NAV3: variants seen among roughly 807,000 people sequenced by gnomAD.
NAV3 encodes the protein pore membrane and/or filament interacting like protein 1.
NAV3 carries 87 observed loss-of-function variants against 244.7 expected under a neutral mutation model. The observed-to-expected ratio is 0.36, with a 90% CI of 0.30 to 0.42. NAV3 has a LOEUF of 0.42. Ranked by LOEUF, NAV3 falls within the 20% of genes least tolerant of loss-of-function variation. The probability of loss-of-function intolerance (pLI) is 1.00; values close to 1 mark genes in which losing one functional copy is unlikely to be tolerated. For synonymous variants in NAV3, 1,126 were observed against 1,042.2 expected, an observed-to-expected ratio of 1.08 and a Z score of -1.55; for missense variants, 2,663 against 2,893.3, an observed-to-expected ratio of 0.92 and a Z score of 1.83.
Position 78,129,147 on chromosome 12 carries a change from T to C in NAV3, c.4441+281T>C, listed in dbSNP as rs1373031643. Among the ~76,000 whole-genome samples the C allele has an allele frequency of 2.0e-5, 3 of 152,198 alleles. No individual in the cohort carries two copies. The East Asian group carries it at 5.8e-4, about 29-fold the overall frequency. On this transcript the variant is annotated intron_variant, in intron 18 of 39. Coordinates refer to ENST00000397909, the MANE Select transcript of NAV3 (RefSeq NM_001024383.2). ...AGAAAGTTCACTTGACTTGAAAAAG[T>C]CTTACCATTACTAAGGGTTCAAGGC...
intron 2 of NAV3, among the ~76,000 whole-genome samples, chr12:77,738,998 C>T (rs967083687): frequency 1.8e-5 from 2 of 108,264 alleles, no homozygotes; most frequent in African/African-American, 7.3e-5. Context: ...GGCGACAGAG[C>T]GAGACTCCGT....
In NAV3 at chr12:77,930,518, T is replaced by G. The variant is rs184023699; in HGVS notation, c.244-9801T>G. Among the ~76,000 whole-genome samples the G allele has an allele frequency of 5.9e-5, 9 of 152,230 alleles. No individual in the cohort carries two copies. In the East Asian group the frequency reaches 1.7e-3, roughly 29 times the overall value. ...TCCTTATAATCCAATTCTCACACAG[T>G]GCATCAGATTTATTATTTCCCTAGT... is the stretch of plus-strand genomic sequence containing the variant. On this transcript the variant is annotated intron_variant, in intron 1 of 39. Coordinates refer to ENST00000397909, the MANE Select transcript of NAV3 (RefSeq NM_001024383.2).
intron 9 of NAV3, among the ~76,000 whole-genome samples, chr12:78,035,066 A>G (rs1879617860): frequency 6.6e-6 from 1 of 152,188 alleles, no homozygotes; most frequent in Non-Finnish European, 1.5e-5. Flanking sequence ...AGTCTGATCT[A>G]CCTTGAAAGG....
intron 20 of NAV3, among the ~76,000 whole-genome samples, chr12:78,142,658 T>C (rs544378158): frequency 1.0e-3 from 126 of 126,424 alleles, no homozygotes; most frequent in Non-Finnish European, 1.8e-3. Flanking sequence ...TAAAATAGAG[T>C]ATGTATATAT....
chr12:77,859,205 A>C (rs756359531), intron 1 of NAV3, among the ~76,000 whole-genome samples: 5 of 152,016 alleles, frequency 3.3e-5, no homozygotes, highest in Non-Finnish European at 5.9e-5. Context: ...GTGCAATTGT[A>C]ATTTCCTTTA....
At chr12:77,949,657 G>A (rs1485379201) in intron 3 of NAV3, among the ~76,000 whole-genome samples, 1 of 151,820 alleles carries the variant, frequency 6.6e-6, no homozygotes, top group Non-Finnish European at 1.5e-5. Flanking sequence ...TCACCCAACA[G>A]AGTAGTATAT....
intron 2 of NAV3, among the ~76,000 whole-genome samples, chr12:77,779,424 G>A (rs1399484525): frequency 6.6e-6 from 1 of 152,114 alleles, no homozygotes; most frequent in East Asian, 1.9e-4. Context: ...CCTTTAAACT[G>A]TTAGTAAGAA....
At chr12:77,584,617 T>G (rs1462942799) in intron 2 of NAV3, among the ~76,000 whole-genome samples, 1 of 152,178 alleles carries the variant, frequency 6.6e-6, no homozygotes, top group African/African-American at 2.4e-5. Flanking sequence ...TCCTTCTGAC[T>G]CTTACAAGTG....
At chr12:77,898,540 G>T (rs1884896604) in intron 1 of NAV3, among the ~76,000 whole-genome samples, 1 of 152,138 alleles carries the variant, frequency 6.6e-6, no homozygotes, top group Admixed American at 6.5e-5. Context: ...TATTGATTGT[G>T]TCCCTTCAGT....
At chr12:77,720,713 A>G (rs574468132) in intron 2 of NAV3, among the ~76,000 whole-genome samples, 2 of 152,264 alleles carry the variant, frequency 1.3e-5, no homozygotes, top group South Asian at 4.1e-4. Context: ...GTAAGCAACT[A>G]TGGCCAGGGA....
intron 2 of NAV3, among the ~76,000 whole-genome samples, chr12:77,666,622 A>C (rs1457287159): frequency 6.6e-6 from 1 of 152,206 alleles, no homozygotes; most frequent in African/African-American, 2.4e-5. Context: ...CAAGGTATTA[A>C]ATTGAATTAG....
chr12:78,061,028 G>A (rs1884252724), intron 12 of NAV3, among the ~76,000 whole-genome samples: 1 of 152,078 alleles, frequency 6.6e-6, no homozygotes, highest in Non-Finnish European at 1.5e-5. Context: ...CTAATAAATT[G>A]GGACCTGTGA....
intron 2 of NAV3, among the ~76,000 whole-genome samples, chr12:77,628,643 G>A (rs1198990100): frequency 4.6e-5 from 7 of 152,018 alleles, no homozygotes; most frequent in Non-Finnish European, 1.0e-4. Flanking sequence ...CAGCACTTTG[G>A]GAGGTCAAGG....
rs147919961 is a variant in NAV3 at position 77,811,211 on chromosome 12, A to T, written c.73-129108A>T. 1.1e-3 allele frequency among the ~76,000 whole-genome samples: 161 copies of T among 152,336 alleles called. 1 individual carries two copies. Among genetic ancestry groups the T allele is most frequent in the African/African-American group, 3.7e-3 (155 of 41,578 alleles). ...CATCATCTACTCCTATTGTATGTGA[A>T]TATCTACTCATTCTTCATCCATACT... On this transcript the variant is annotated intron_variant, in intron 2 of 8. Coordinates refer to the NAV3 transcript ENST00000550042.
chr12:77,771,497 A>G (rs899374668), intron 2 of NAV3, among the ~76,000 whole-genome samples: 1 of 152,218 alleles, frequency 6.6e-6, no homozygotes, highest in African/African-American at 2.4e-5. Context: ...CACAATAGCA[A>G]AGACTTGGAA....
chr12:77,928,586 C>G (rs1489061854), intron 1 of NAV3, among the ~76,000 whole-genome samples: 1 of 152,130 alleles, frequency 6.6e-6, no homozygotes, highest in Admixed American at 6.5e-5. Flanking sequence ...TAAATGTTGG[C>G]AGGTTTGATT....
intron 2 of NAV3, among the ~76,000 whole-genome samples, chr12:77,759,341 C>T (rs1030220998): frequency 3.3e-5 from 5 of 152,084 alleles, no homozygotes; most frequent in African/African-American, 1.2e-4. Context: ...AAATGGGGTA[C>T]AGAAGTATTA....
chr12:77,573,084 G>T (rs11105700), intron 2 of NAV3, among the ~76,000 whole-genome samples: 2 of 152,214 alleles, frequency 1.3e-5, no homozygotes, highest in East Asian at 3.9e-4. Context: ...AGGTGTGTGG[G>T]GACCCAGTAG....
At chr12:77,949,341 G>C (rs559627086) in intron 3 of NAV3, among the ~76,000 whole-genome samples, 2 of 151,950 alleles carry the variant, frequency 1.3e-5, no homozygotes, top group Admixed American at 6.6e-5. Flanking sequence ...TCATTGAGGC[G>C]ATCTGTGTCC....
Sources: allele counts gnomAD v4.1 joint callset (sites outside exome capture counted in the v4.1 genomes callset), GRCh38; gene constraint gnomAD v4.1.1; transcripts MANE v1.5; gene names NCBI Gene and HGNC (gene_info 2026-07-23, HGNC 2026-07-21).